The following SEMA5A variants were observed in gnomAD, a reference collection of about 807,000 sequenced individuals.
SEMA5A encodes semaphorin-5A.
SEMA5A carries 55 observed loss-of-function variants against 135.5 expected under a neutral mutation model. The observed-to-expected ratio is 0.41, with a 90% CI of 0.33 to 0.51. SEMA5A has a LOEUF of 0.51. SEMA5A is among the 20% of genes least tolerant of loss of function. The probability of loss-of-function intolerance (pLI) is 0.37; values close to 1 mark genes in which losing one functional copy is unlikely to be tolerated. For missense variants in SEMA5A, 1,290 were observed against 1,419.9 expected (o/e 0.91, Z 1.47); for synonymous variants, 580 against 546.5 (o/e 1.06, Z -0.85).
intron 2 of SEMA5A, among the ~76,000 whole-genome samples, chr5:9,412,547 C>T (rs1579500094): frequency 8.5e-6 from 1 of 117,174 alleles, no homozygotes; most frequent in Admixed American, 9.3e-5. Context: ...GGCTAAGAAT[C>T]TCTTATCTGA....
At chr5:9,358,299 G>A (rs770188182) in intron 3 of SEMA5A, among the ~76,000 whole-genome samples, 1 of 152,162 alleles carries the variant, frequency 6.6e-6, no homozygotes. Flanking sequence ...GCTGTCCCTT[G>A]TGCAATTTTG....
At chr5:9,435,348 A>G (rs1757992091) in intron 2 of SEMA5A, among the ~76,000 whole-genome samples, 1 of 152,234 alleles carries the variant, frequency 6.6e-6, no homozygotes, top group South Asian at 2.1e-4. Context: ...TGAGTTATAT[A>G]TACCAGCTTA....
intron 8 of SEMA5A, among the ~76,000 whole-genome samples, chr5:9,217,989 T>C (rs894280461): frequency 6.6e-5 from 10 of 152,048 alleles, no homozygotes; most frequent in African/African-American, 2.4e-4. Context: ...AAATGAGAGG[T>C]AAATGAAGAG....
intron 12 of SEMA5A, among the ~76,000 whole-genome samples, chr5:9,147,878 A>C (rs1742428230): frequency 6.6e-6 from 1 of 152,206 alleles, no homozygotes; most frequent in Admixed American, 6.5e-5. Context: ...GATAAGGGAG[A>C]GGCAGAATGT....
intron 1 of SEMA5A, among the ~76,000 whole-genome samples, chr5:9,445,983 C>T (rs1274826541): frequency 1.3e-5 from 2 of 152,162 alleles, no homozygotes; most frequent in African/African-American, 4.8e-5. Context: ...AGCCTGAGAC[C>T]CCTCTCTCCA....
At chr5:9,313,269 G>C (rs1428906221) in intron 5 of SEMA5A, among the ~76,000 whole-genome samples, 1 of 152,144 alleles carries the variant, frequency 6.6e-6, no homozygotes, top group African/African-American at 2.4e-5. Flanking sequence ...AGTATGTAAG[G>C]AATGAATATA....
intron 16 of SEMA5A, among the ~76,000 whole-genome samples, chr5:9,103,276 G>A (rs1422751079): frequency 2.0e-5 from 3 of 152,090 alleles, no homozygotes; most frequent in African/African-American, 7.2e-5. Context: ...AGACCCTAAT[G>A]TGCTACACAA....
chr5:9,471,785 A>G (rs2126755800), intron 1 of SEMA5A, among the ~76,000 whole-genome samples: 1 of 152,332 alleles, frequency 6.6e-6, no homozygotes, highest in South Asian at 2.1e-4. Flanking sequence ...TAGCTAAACG[A>G]TACAGCTAAA....
chr5:9,373,224 G>T (rs1270408273), intron 3 of SEMA5A, among the ~76,000 whole-genome samples: 1 of 152,110 alleles, frequency 6.6e-6, no homozygotes, highest in Non-Finnish European at 1.5e-5. Context: ...GTAATATAAT[G>T]ATATGTTTTG....
At chr5:9,216,635 T>C (rs1324013941) in intron 8 of SEMA5A, among the ~76,000 whole-genome samples, 1 of 152,176 alleles carries the variant, frequency 6.6e-6, no homozygotes, top group Non-Finnish European at 1.5e-5. Flanking sequence ...TAATTGAAGG[T>C]CTCTAAAAAC....
In SEMA5A at chr5:9,153,069, G is replaced by A. The variant is rs1407108083; in HGVS notation, c.1481+1419C>T. ...GGTTACAGAGCAAGACTCCATTTCA[G>A]AAAAAAAAAAAAAAGGCAACAACAG... is the stretch of plus-strand genomic sequence containing the variant. On this transcript the variant is annotated intron_variant, in intron 12 of 22. Transcript: ENST00000382496. 3.6e-3 allele frequency among the ~76,000 whole-genome samples: 513 copies of A among 143,316 alleles called. 2 individuals carry two copies. Among genetic ancestry groups the A allele is most frequent in the African/African-American group, 0.012 (478 of 38,918 alleles). 94.0% of individuals were successfully genotyped at this position (143,316 alleles called of 152,430 possible).
chr5:9,395,530 T>A (rs1463660141), intron 2 of SEMA5A, among the ~76,000 whole-genome samples: 2 of 152,152 alleles, frequency 1.3e-5, no homozygotes, highest in Admixed American at 1.3e-4. Context: ...GGAAATGAAA[T>A]TGGTTTTATC....
rs544638276 is a variant in SEMA5A, at chr5:9,367,851, C to G, written c.124+11972G>C. 1.5e-3 allele frequency among the ~76,000 whole-genome samples: 222 copies of G among 152,264 alleles called. 1 individual carries two copies. Among genetic ancestry groups the G allele is most frequent in the African/African-American group, 5.2e-3 (217 of 41,556 alleles). ...TCTTTGCCGAAATGAGTTCATGTAA[C>G]ATCTGGTTGTTAAAAAAGAGTCTGG... On this transcript the variant is annotated intron_variant, in intron 3 of 22. Coordinates refer to ENST00000382496, the MANE Select transcript of SEMA5A (RefSeq NM_003966.3).
chr5:9,522,289 AGAG>A, intron 1 of SEMA5A, among the ~76,000 whole-genome samples: 1 of 152,234 alleles, frequency 6.6e-6, no homozygotes, highest in East Asian at 1.9e-4. Context: ...ATTGCAAATA[AGAG>A]GAGAAGTAGG....
chr5:9,054,069 AGGT>A lies in SEMA5A; in HGVS notation c.2689+15_2689+17del. 1 of 1,595,020 alleles carries A rather than the reference AGGT, an allele frequency of 6.3e-7. No homozygotes were observed. Among genetic ancestry groups the A allele is most frequent in the East Asian group, 2.2e-5 (1 of 44,586 alleles). On this transcript the variant is annotated intron_variant, in intron 19 of 22. Transcript: ENST00000382496. ...CCAATTTGTCTGAAAGCTGTGCAGTAGGTGAGGTGCCGCTTACCTGGGCAGGGC... is the reference window on the plus strand; with the variant it reads ...CCAATTTGTCTGAAAGCTGTGCAGTAGAGGTGCCGCTTACCTGGGCAGGGC...
intron 1 of SEMA5A, among the ~76,000 whole-genome samples, chr5:9,483,828 G>T (rs773187398): frequency 1.3e-5 from 2 of 152,138 alleles, no homozygotes; most frequent in African/African-American, 2.4e-5. Context: ...CAAAGCCTTG[G>T]GGGGAGGAGA....
At chr5:9,189,395 GAA>G (rs34061066) in intron 11 of SEMA5A, among the ~76,000 whole-genome samples, 75,354 of 140,904 alleles carry the variant, frequency 0.53, 20,091 homozygotes, top group Middle Eastern at 0.65. Context: ...GCAACTTCAT[GAA>G]AAAAAAAAAA....
At chr5:9,456,478 T>C (rs568657168) in intron 1 of SEMA5A, among the ~76,000 whole-genome samples, 1 of 91,004 alleles carries the variant, frequency 1.1e-5, no homozygotes, top group Admixed American at 1.1e-4. Context: ...AAAGGACAAG[T>C]AGAAAAAAAG....
intron 3 of SEMA5A, among the ~76,000 whole-genome samples, 192 bp downstream of exon 3, chr5:9,379,631 G>A (rs150377145): frequency 3.3e-5 from 5 of 152,284 alleles, no homozygotes; most frequent in African/African-American, 4.8e-5. Flanking sequence ...TCCCTCTTGA[G>A]GTGGTAATCA....
Sources: gnomAD v4.1 joint callset for allele counts (sites outside exome capture counted in the v4.1 genomes callset) on GRCh38, gnomAD v4.1.1 for gene constraint, MANE v1.5 for transcripts, NCBI Gene and HGNC (gene_info 2026-07-23, HGNC 2026-07-21) for gene names.